The following SH3BGR variants were observed in gnomAD, a reference collection of about 807,000 sequenced individuals.
SH3BGR encodes SH3 domain binding glutamate rich protein.
Under a neutral mutation model 24.5 loss-of-function variants are expected in SH3BGR, and 29 were observed. The observed-to-expected ratio is 1.18, with a 90% CI of 0.88 to 1.61. The LOEUF (loss-of-function observed/expected upper bound fraction) is 1.61, where lower values mean the gene tolerates loss of function less well. SH3BGR is among the 40% of genes most tolerant of loss of function. The pLI, the probability that SH3BGR is intolerant of heterozygous loss-of-function variation, is 0.00. For synonymous variants in SH3BGR, 55 were observed against 65.7 expected (o/e 0.84, Z 0.79); for missense variants, 162 against 205.8 (o/e 0.79, Z 1.30).
intron 1 of SH3BGR, among the ~76,000 whole-genome samples, chr21:39,446,286 G>C (rs927227320): frequency 6.6e-6 from 1 of 152,096 alleles, no homozygotes; most frequent in Non-Finnish European, 1.5e-5. Context: ...AGATGATGGA[G>C]TTATAGATGT....
At chr21:39,449,952 G>A (rs930027834), upstream of SH3BGR, among the ~76,000 whole-genome samples, 4 of 152,338 alleles carry the variant, frequency 2.6e-5, no homozygotes, top group Non-Finnish European at 4.4e-5. Flanking sequence ...AGGGTTTGCA[G>A]ATGGAGGAGG....
intron 6 of SH3BGR, among the ~76,000 whole-genome samples, chr21:39,514,554 G>T (rs1442552979): frequency 2.0e-5 from 3 of 152,158 alleles, no homozygotes; most frequent in African/African-American, 2.4e-5. Context: ...TAGAGATGGG[G>T]TTTCACCATG....
At chr21:39,446,408 G>C (rs1166811849) in intron 1 of SH3BGR, among the ~76,000 whole-genome samples, 1 of 152,108 alleles carries the variant, frequency 6.6e-6, no homozygotes, top group Non-Finnish European at 1.5e-5. Flanking sequence ...CCTTGCAGAT[G>C]AATCTTTGAG....
chr21:39,478,602 G>A (rs17565165), intron 3 of SH3BGR, among the ~76,000 whole-genome samples: 1,982 of 152,152 alleles, frequency 0.013, 91 homozygotes, highest in South Asian at 0.1. Flanking sequence ...ACTTCTATGC[G>A]GATTCATTTC....
At chr21:39,454,403 A>C (rs1242821992) in intron 1 of SH3BGR, among the ~76,000 whole-genome samples, 2 of 152,270 alleles carry the variant, frequency 1.3e-5, no homozygotes, top group Admixed American at 6.5e-5. Flanking sequence ...AATTAAATAC[A>C]TGCAGCTGTG....
intron 3 of SH3BGR, among the ~76,000 whole-genome samples, chr21:39,495,658 T>C (rs777328384): frequency 6.6e-6 from 1 of 152,070 alleles, no homozygotes; most frequent in Non-Finnish European, 1.5e-5. Flanking sequence ...AAAAAAATTT[T>C]TTTTTGTAGA....
chr21:39,448,843 T>C (rs911000548), upstream of SH3BGR, among the ~76,000 whole-genome samples: 4 of 152,174 alleles, frequency 2.6e-5, no homozygotes, highest in Non-Finnish European at 5.9e-5. Context: ...CTGACCCCGA[T>C]AGACTGCCTG....
intron 3 of SH3BGR, among the ~76,000 whole-genome samples, chr21:39,485,814 C>CAA: frequency 6.6e-6 from 1 of 151,882 alleles, no homozygotes; most frequent in South Asian, 2.1e-4. Context: ...CAGCCTCCTG[C>CAA]GTAGCTGGGA....
intron 2 of SH3BGR, among the ~76,000 whole-genome samples, chr21:39,467,202 C>T (rs2077857919): frequency 6.6e-6 from 1 of 151,670 alleles, no homozygotes; most frequent in African/African-American, 2.4e-5. Context: ...TTATTTTCTG[C>T]TATAAAAAAG....
chr21:39,500,604 T>C lies in SH3BGR; in HGVS notation c.405+689T>C, dbSNP rs114998403. 3.0e-3 allele frequency among the ~76,000 whole-genome samples: 450 copies of C among 152,224 alleles called. 1 individual carries two copies. The highest frequency in any genetic ancestry group is 0.01 in the African/African-American group (430 of 41,520). ...GAAACCAGGCGCCAAGGAAGGAGCCTGGTGGGGCTGGGAATGGGGTGCAGG... is the reference window on the plus strand; with the variant it reads ...GAAACCAGGCGCCAAGGAAGGAGCCCGGTGGGGCTGGGAATGGGGTGCAGG... On this transcript the variant is annotated intron_variant, in intron 4 of 6. Transcript: ENST00000333634.
intron 2 of SH3BGR, among the ~76,000 whole-genome samples, chr21:39,469,206 A>T (rs1423344038): frequency 6.7e-6 from 1 of 148,452 alleles, no homozygotes; most frequent in Non-Finnish European, 1.5e-5. Flanking sequence ...AGCCTCCCCC[A>T]TTATCAACAT....
chr21:39,469,384 A>T (rs1043689834), intron 2 of SH3BGR, among the ~76,000 whole-genome samples: 10 of 147,248 alleles, frequency 6.8e-5, no homozygotes, highest in African/African-American at 2.5e-5. Context: ...TGGCTTATTG[A>T]TTCTTTCTGA....
intron 3 of SH3BGR, among the ~76,000 whole-genome samples, chr21:39,490,455 G>C (rs994386783): frequency 1.3e-5 from 2 of 152,084 alleles, no homozygotes; most frequent in African/African-American, 2.4e-5. Flanking sequence ...TGCATTTTCT[G>C]TTCCTCCCTT....
intron 3 of SH3BGR, among the ~76,000 whole-genome samples, chr21:39,495,743 G>T (rs1031829517): frequency 6.6e-6 from 1 of 152,124 alleles, no homozygotes; most frequent in African/African-American, 2.4e-5. Context: ...TAGGCCTCCA[G>T]AGTGTTGGGA....
chr21:39,509,946 CT>C lies in SH3BGR; in HGVS notation c.435+933del, dbSNP rs879853877. ...ATCCCCCCAAAGAAACTTTTGTTAACTTTTTTTTTTTTTTGAGACGGAGTCC... is the reference window on the plus strand; with the variant it reads ...ATCCCCCCAAAGAAACTTTTGTTAACTTTTTTTTTTTTTGAGACGGAGTCC... On this transcript the variant is annotated intron_variant, in intron 5 of 6. Coordinates refer to ENST00000333634, the MANE Select transcript of SH3BGR (RefSeq NM_007341.3). Among the ~76,000 whole-genome samples, 298 of 143,148 alleles carry C rather than the reference CT, an allele frequency of 2.1e-3. 11 individuals carry two copies. Among genetic ancestry groups the C allele is most frequent in the Middle Eastern group, 3.6e-3 (1 of 276 alleles). 93.9% of individuals were successfully genotyped at this position (143,148 alleles called of 152,430 possible).
rs1274315287 is a variant in SH3BGR, at chr21:39,488,765, T to C, written c.313-11058T>C. ...CATGAGGACAGCAATGGTTGTCAAC[T>C]CTGAAGAGCTCGTCTGTGTGGTGCT... On this transcript the variant is annotated intron_variant, in intron 3 of 6. Coordinates refer to ENST00000333634, the MANE Select transcript of SH3BGR (RefSeq NM_007341.3). The C allele has an allele frequency of 1.2e-5, 5 of 415,648 alleles. 1 individual carries two copies. The highest frequency in any genetic ancestry group is 8.2e-5 in the South Asian group (4 of 48,514). The allele number at this position is 415,648 out of a possible 1,614,324, so 25.7% of individuals were successfully genotyped here. A position where few individuals can be genotyped will look rare whatever the true frequency, so the allele number is the denominator to read the frequency against.
intron 3 of SH3BGR, 76 bp from the exon 4 acceptor site, chr21:39,499,747 C>CA: frequency 9.5e-7 from 1 of 1,054,744 alleles, no homozygotes; most frequent in Non-Finnish European, 1.4e-6. Context: ...ATAAGAAAGC[C>CA]ACAGCATATG....
At chr21:39,476,105 G>A (rs1339364610) in intron 3 of SH3BGR, among the ~76,000 whole-genome samples, 1 of 152,176 alleles carries the variant, frequency 6.6e-6, no homozygotes, top group Non-Finnish European at 1.5e-5. Context: ...TGACAGGATG[G>A]AGACCAGAGT....
At chr21:39,455,330 C>G (rs1416291594) in intron 1 of SH3BGR, among the ~76,000 whole-genome samples, 3 of 152,224 alleles carry the variant, frequency 2.0e-5, no homozygotes, top group African/African-American at 7.2e-5. Context: ...CCAAATACCC[C>G]CAGATCCTGT....
Sources: allele counts gnomAD v4.1 joint callset (sites outside exome capture counted in the v4.1 genomes callset), GRCh38; gene constraint gnomAD v4.1.1; transcripts MANE v1.5; gene names NCBI Gene and HGNC (gene_info 2026-07-23, HGNC 2026-07-21).